Variants in GPC6 observed in about 807,000 individuals in gnomAD.
The protein encoded by GPC6 is glypican 6.
A neutral mutation model predicts 55.2 loss-of-function variants in GPC6; 14 were observed. The observed-to-expected ratio is 0.25, with a 90% CI of 0.17 to 0.40. GPC6 has a LOEUF of 0.40. Among genes scored for constraint, GPC6 ranks in the 10% least tolerant of loss-of-function variants. The pLI is 1.00. For synonymous variants in GPC6, 278 were observed against 259.6 expected (o/e 1.07, Z -0.68); for missense variants, 641 against 708.5 (o/e 0.90, Z 1.08).
At chr13:93,984,531 A>T (rs1364811231) in intron 3 of GPC6, among the ~76,000 whole-genome samples, 1 of 152,228 alleles carries the variant, frequency 6.6e-6, no homozygotes, top group African/African-American at 2.4e-5. Flanking sequence ...CAGTGAAGAA[A>T]TAGTCAAATT....
chr13:93,523,462 T>TA (rs1555307777), intron 1 of GPC6, among the ~76,000 whole-genome samples: 2 of 151,312 alleles, frequency 1.3e-5, no homozygotes, highest in African/African-American at 4.8e-5. Flanking sequence ...CATACACACA[T>TA]ATGACATTTT....
At chr13:93,533,125 G>C (rs571687293) in intron 1 of GPC6, among the ~76,000 whole-genome samples, 1 of 152,234 alleles carries the variant, frequency 6.6e-6, no homozygotes, top group South Asian at 2.1e-4. Flanking sequence ...TCTTTACACT[G>C]AAAAATGTTG....
intron 1 of GPC6, among the ~76,000 whole-genome samples, chr13:93,314,173 G>T (rs1219827415): frequency 6.6e-6 from 1 of 152,036 alleles, no homozygotes; most frequent in Non-Finnish European, 1.5e-5. Context: ...TTGCATAAAA[G>T]AATTTTTTTT....
At chr13:93,705,802 A>G (rs1594387043) in intron 2 of GPC6, among the ~76,000 whole-genome samples, 1 of 141,976 alleles carries the variant, frequency 7.0e-6, no homozygotes, top group Non-Finnish European at 1.5e-5. Context: ...TGAATGCCCC[A>G]GCATCCTTTC....
Position 93,794,345 on chromosome 13 carries a change from C to T in GPC6, c.320-35809C>T, listed in dbSNP as rs372228041. On this transcript the variant is annotated intron_variant, in intron 2 of 8. Coordinates refer to ENST00000377047, the MANE Select transcript of GPC6 (RefSeq NM_005708.5). ...AAATGCAAATTCTCAGGTCCCACCA[C>T]AGATACACTGAATCTGAAACTCTGG... 1.2e-4 allele frequency among the ~76,000 whole-genome samples: 18 copies of T among 152,308 alleles called. No individual in the cohort carries two copies. The East Asian group carries it at 1.5e-3, about 13-fold the overall frequency.
At chr13:94,030,564 A>T (rs566737128) in intron 4 of GPC6, among the ~76,000 whole-genome samples, 2 of 152,324 alleles carry the variant, frequency 1.3e-5, no homozygotes, top group South Asian at 4.1e-4. Context: ...TAAATGCGGC[A>T]GCAAAGATCA....
intron 2 of GPC6, among the ~76,000 whole-genome samples, chr13:93,753,040 G>C (rs1015072036): frequency 2.6e-5 from 4 of 152,168 alleles, no homozygotes; most frequent in African/African-American, 9.7e-5. Flanking sequence ...TTAAGCTACT[G>C]AAAGAGCCTG....
intron 4 of GPC6, among the ~76,000 whole-genome samples, chr13:94,044,545 G>T (rs1883656546): frequency 6.6e-6 from 1 of 151,884 alleles, no homozygotes; most frequent in Non-Finnish European, 1.5e-5. Context: ...AATTAGTATT[G>T]TTTCCAATAT....
chr13:94,067,763 G>A (rs1021515494), intron 4 of GPC6, among the ~76,000 whole-genome samples: 3 of 152,168 alleles, frequency 2.0e-5, no homozygotes, highest in Non-Finnish European at 2.9e-5. Context: ...ATGTTTATAT[G>A]TTTGCAACAG....
chr13:94,378,201 AAATAATAAT>A (rs530949186), intron 6 of GPC6, among the ~76,000 whole-genome samples: 2 of 151,612 alleles, frequency 1.3e-5, no homozygotes, highest in Non-Finnish European at 2.9e-5. Flanking sequence ...TATAATAATA[AAATAATAAT>A]AATAATAATA....
intron 1 of GPC6, among the ~76,000 whole-genome samples, chr13:93,375,388 C>A (rs1874840834): frequency 6.6e-6 from 1 of 152,150 alleles, no homozygotes; most frequent in African/African-American, 2.4e-5. Context: ...AGCAGAATTT[C>A]TTTTAACCTC....
At chr13:93,407,270 A>T (rs1876328741) in intron 1 of GPC6, among the ~76,000 whole-genome samples, 1 of 152,106 alleles carries the variant, frequency 6.6e-6, no homozygotes, top group Admixed American at 6.6e-5. Context: ...TTATTTAGAG[A>T]GAGAGAGAGA....
intron 4 of GPC6, among the ~76,000 whole-genome samples, chr13:94,039,376 C>T (rs1188018314): frequency 6.6e-6 from 1 of 151,760 alleles, no homozygotes; most frequent in Non-Finnish European, 1.5e-5. Context: ...CTAAGCATGG[C>T]ACAAAAGGAG....
At chr13:93,627,142 T>G (rs951849503) in intron 2 of GPC6, among the ~76,000 whole-genome samples, 3 of 152,080 alleles carry the variant, frequency 2.0e-5, no homozygotes, top group African/African-American at 7.2e-5. Flanking sequence ...CTCCTAATGC[T>G]AACCCTCCCC....
intron 1 of GPC6, among the ~76,000 whole-genome samples, chr13:93,507,879 T>TG (rs1880798035): frequency 6.6e-6 from 1 of 150,618 alleles, no homozygotes; most frequent in Admixed American, 6.6e-5. Context: ...GCTAAGCATA[T>TG]GAAAAAAAAA....
chr13:94,375,660 T>C (rs1879812994), intron 6 of GPC6, among the ~76,000 whole-genome samples: 1 of 143,214 alleles, frequency 7.0e-6, no homozygotes, highest in African/African-American at 2.6e-5. Context: ...ACTATTCCAA[T>C]CAATAGAAAA....
intron 4 of GPC6, among the ~76,000 whole-genome samples, chr13:94,202,604 G>A (rs1889787986): frequency 1.3e-5 from 2 of 152,180 alleles, no homozygotes; most frequent in Non-Finnish European, 2.9e-5. Context: ...TGGCGATTAT[G>A]GGAGCTACAA....
chr13:94,295,385 G>A (rs996926825), intron 5 of GPC6, among the ~76,000 whole-genome samples: 4 of 152,070 alleles, frequency 2.6e-5, no homozygotes, highest in African/African-American at 9.7e-5. Context: ...AAAGAGCACT[G>A]ACTCATTGGT....
intron 6 of GPC6, among the ~76,000 whole-genome samples, chr13:94,375,534 T>G (rs1244738084): frequency 1.3e-5 from 2 of 151,712 alleles, no homozygotes; most frequent in Admixed American, 6.6e-5. Flanking sequence ...AATAACAGGA[T>G]CTGAAATTGT....
Sources: gnomAD v4.1 joint callset for allele counts (sites outside exome capture counted in the v4.1 genomes callset) on GRCh38, gnomAD v4.1.1 for gene constraint, MANE v1.5 for transcripts, NCBI Gene and HGNC (gene_info 2026-07-23, HGNC 2026-07-21) for gene names.